The following RPS6KA2 variants were observed in gnomAD, a reference collection of about 807,000 sequenced individuals.
RPS6KA2 encodes the protein ribosomal protein S6 kinase A2.
In RPS6KA2, 42 loss-of-function variants were observed where a neutral mutation model predicts 91.8. The ratio of observed to expected loss-of-function variants is 0.46; its 90% confidence interval spans 0.36 to 0.59. RPS6KA2 has a LOEUF of 0.59. Ranked by LOEUF, RPS6KA2 falls within the 20% of genes least tolerant of loss-of-function variation. RPS6KA2 has a pLI of 0.00. For missense variants in RPS6KA2, 798 were observed against 978.5 expected (o/e 0.82, Z 2.46); for synonymous variants, 414 against 393.6 (o/e 1.05, Z -0.61).
Position 166,419,990 on chromosome 6 carries a change from C to G in RPS6KA2, c.1744-32G>C. Reference sequence around the variant, plus strand: ...GGGAACGACAGGACACCGGCACGCCCTTCACTAAGGACATTCAGATTGACA... The same window carrying G: ...GGGAACGACAGGACACCGGCACGCCGTTCACTAAGGACATTCAGATTGACA... On this transcript the variant is annotated intron_variant, in intron 17 of 20. Transcript: ENST00000265678. This position sits in a 1 kb window ranked among gnomAD's most constrained non-coding sequence, Gnocchi z 5.6. The G allele has an allele frequency of 6.3e-7, 1 of 1,594,582 alleles. No homozygotes were observed. The highest frequency in any genetic ancestry group is 8.6e-7 in the Non-Finnish European group (1 of 1,163,002).
chr6:166,570,404 T>G (rs1185336080), intron 1 of RPS6KA2, among the ~76,000 whole-genome samples: 1 of 152,224 alleles, frequency 6.6e-6, no homozygotes, highest in Non-Finnish European at 1.5e-5. Flanking sequence ...CAGTCAGATG[T>G]TAGGGTCACC....
chr6:166,473,605 G>C (rs144617693), intron 10 of RPS6KA2, among the ~76,000 whole-genome samples: 27 of 152,274 alleles, frequency 1.8e-4, no homozygotes, highest in African/African-American at 5.8e-4. Flanking sequence ...ATTCCCAAAG[G>C]GTTTTGGTAT....
intron 2 of RPS6KA2, among the ~76,000 whole-genome samples, chr6:166,846,442 T>C (rs1280368005): frequency 1.3e-5 from 2 of 152,046 alleles, no homozygotes; most frequent in Non-Finnish European, 2.9e-5. Context: ...CTGATGAACA[T>C]AGATGCAAAA....
intron 2 of RPS6KA2, among the ~76,000 whole-genome samples, chr6:166,538,119 C>T (rs1215281849): frequency 3.9e-5 from 6 of 152,200 alleles, no homozygotes. Flanking sequence ...CCTATTTACT[C>T]CATGGAACAA....
At chr6:166,617,282 A>G (rs1786448758) in intron 1 of RPS6KA2, among the ~76,000 whole-genome samples, 1 of 152,254 alleles carries the variant, frequency 6.6e-6, no homozygotes, top group South Asian at 2.1e-4. Flanking sequence ...AATTACCAGC[A>G]TTAATACATG....
intron 2 of RPS6KA2, among the ~76,000 whole-genome samples, chr6:166,673,268 C>A (rs551741004): frequency 2.0e-5 from 3 of 152,280 alleles, no homozygotes; most frequent in Admixed American, 6.5e-5. Context: ...GTGCAGGCTG[C>A]GGCTCTAGGG....
intron 2 of RPS6KA2, among the ~76,000 whole-genome samples, chr6:166,677,780 G>A (rs1200982107): frequency 2.0e-5 from 3 of 152,248 alleles, no homozygotes; most frequent in Non-Finnish European, 4.4e-5. Flanking sequence ...TGGGTAGGTG[G>A]AGAAGGAGAG....
rs117541065 is a variant in RPS6KA2, at chr6:166,420,840, C to T, written c.1744-882G>A. ...AAAACTTGTATGCATCCTAGGATTA[C>T]ATACTTCAGTAGAGGGCAATCCTCT... On this transcript the variant is annotated intron_variant, in intron 17 of 20. Coordinates refer to ENST00000265678, the MANE Select transcript of RPS6KA2 (RefSeq NM_021135.6). Among the ~76,000 whole-genome samples the T allele has an allele frequency of 8.5e-3, 1,297 of 152,308 alleles. 8 individuals are homozygous for T. Among genetic ancestry groups the T allele is most frequent in the Non-Finnish European group, 0.015 (1,034 of 68,020 alleles).
At chr6:166,466,150 A>G (rs1780512157) in intron 11 of RPS6KA2, among the ~76,000 whole-genome samples, 1 of 152,230 alleles carries the variant, frequency 6.6e-6, no homozygotes, top group Non-Finnish European at 1.5e-5. Flanking sequence ...TTCTAGTCTG[A>G]TTCCTTTGAA....
In RPS6KA2 at chr6:166,508,640, C is replaced by A. The variant is rs1449811173; in HGVS notation, c.380-358G>T. 6.6e-6 allele frequency among the ~76,000 whole-genome samples: 1 copy of A among 152,156 alleles called. No homozygotes were observed. Among genetic ancestry groups the A allele is most frequent in the Non-Finnish European group, 1.5e-5 (1 of 68,038 alleles). ...GCTTTTGTCGTAATGCATTAGTGAG[C>A]AGCCTGAAGATGGCTCTGGTGGGTT... On this transcript the variant is annotated intron_variant, in intron 4 of 20. Coordinates refer to ENST00000265678, the MANE Select transcript of RPS6KA2 (RefSeq NM_021135.6). The surrounding 1 kb of genome is among the most constrained non-coding windows in gnomAD (Gnocchi z 4.3).
intron 1 of RPS6KA2, among the ~76,000 whole-genome samples, chr6:166,858,494 A>T (rs1035721792): frequency 2.6e-5 from 4 of 152,252 alleles, no homozygotes; most frequent in African/African-American, 9.6e-5. Flanking sequence ...GAGTGTTCAC[A>T]CTAAACCCTA....
At chr6:166,758,625 C>T (rs73035520) in intron 2 of RPS6KA2, among the ~76,000 whole-genome samples, 7,490 of 152,292 alleles carry the variant, frequency 0.049, 284 homozygotes, top group Non-Finnish European at 0.076. Flanking sequence ...TGAAAACCTA[C>T]AGATGCAACA....
chr6:166,745,551 A>G lies in RPS6KA2; in HGVS notation c.123+112649T>C, dbSNP rs191926941. Among the ~76,000 whole-genome samples the G allele has an allele frequency of 7.9e-5, 12 of 152,236 alleles. 1 individual carries two copies. Among genetic ancestry groups the G allele is most frequent in the Middle Eastern group, 3.4e-3 (1 of 294 alleles). ...ACCTCTCTAAGGACCCTCCCTCCCAATACAGTCCCATTCTGGGGTCCTGGG... is the reference window on the plus strand; with the variant it reads ...ACCTCTCTAAGGACCCTCCCTCCCAGTACAGTCCCATTCTGGGGTCCTGGG... On this transcript the variant is annotated intron_variant, in intron 2 of 21. Transcript: ENST00000503859.
intron 2 of RPS6KA2, among the ~76,000 whole-genome samples, chr6:166,753,123 G>T (rs1562419868): frequency 6.6e-6 from 1 of 152,190 alleles, no homozygotes; most frequent in Non-Finnish European, 1.5e-5. Flanking sequence ...AGAGCAAAGG[G>T]GCTGGCTGTC....
intron 2 of RPS6KA2, among the ~76,000 whole-genome samples, chr6:166,843,267 C>T (rs1029148439): frequency 6.6e-6 from 1 of 152,186 alleles, no homozygotes; most frequent in African/African-American, 2.4e-5. Context: ...TAACCCTGTC[C>T]CACCTGGGGG....
chr6:166,671,102 C>CA (rs1788460351), intron 2 of RPS6KA2, among the ~76,000 whole-genome samples: 1 of 152,220 alleles, frequency 6.6e-6, no homozygotes, highest in Admixed American at 6.5e-5. Context: ...CATGAGTCAC[C>CA]ATGCCTGGCC....
At chr6:166,651,559 A>C (rs1787856085) in intron 2 of RPS6KA2, among the ~76,000 whole-genome samples, 1 of 152,248 alleles carries the variant, frequency 6.6e-6, no homozygotes, top group African/African-American at 2.4e-5. Context: ...AAAGCTACGA[A>C]GGCTGTTATC....
At chr6:166,443,231 C>T (rs1779574293) in intron 14 of RPS6KA2, among the ~76,000 whole-genome samples, 2 of 152,092 alleles carry the variant, frequency 1.3e-5, no homozygotes, top group African/African-American at 2.4e-5. Context: ...TGAGTTTATG[C>T]CATCTGTTCA....
chr6:166,582,226 A>G (rs1785045053), intron 1 of RPS6KA2, among the ~76,000 whole-genome samples: 1 of 152,052 alleles, frequency 6.6e-6, no homozygotes, highest in Non-Finnish European at 1.5e-5. Context: ...TGGGGTGAGC[A>G]GGAGGGCACA....
Sources: gnomAD v4.1 joint callset for allele counts (sites outside exome capture counted in the v4.1 genomes callset) on GRCh38, gnomAD v4.1.1 for gene constraint, Gnocchi (gnomAD v3.1) non-coding constraint, MANE v1.5 for transcripts, NCBI Gene and HGNC (gene_info 2026-07-23, HGNC 2026-07-21) for gene names.